The following FOXJ3 variants were observed in gnomAD, a reference collection of about 807,000 sequenced individuals.
FOXJ3 encodes the protein forkhead box J3.
In FOXJ3, 22 loss-of-function variants were observed where a neutral mutation model predicts 76.1. That is an observed-to-expected ratio of 0.29 (90% CI 0.21 to 0.41). FOXJ3 has a LOEUF of 0.41. Ranked by LOEUF, FOXJ3 falls within the 10% of genes least tolerant of loss-of-function variation. The pLI is 1.00. For synonymous variants in FOXJ3, 269 were observed against 261.2 expected, an observed-to-expected ratio of 1.03 and a Z score of -0.29; for missense variants, 613 against 762.1, an observed-to-expected ratio of 0.80 and a Z score of 2.30.
At position 42,178,488 on chromosome 1, in the gene FOXJ3, A is replaced by C. The variant is rs575774790; in HGVS notation, c.*1222T>G. ...GTGTCTTATCTGTAAATTCTTATCA[A>C]GAAAAGTAACGCTGGGCCAGGCGCA... is the stretch of plus-strand genomic sequence containing the variant. On this transcript the variant is annotated 3_prime_UTR_variant, in exon 13 of 13. Coordinates refer to ENST00000361346, the MANE Select transcript of FOXJ3 (RefSeq NM_014947.5). 1 of 152,392 alleles carries C rather than the reference A, an allele frequency of 6.6e-6. No homozygotes were observed. Among genetic ancestry groups the C allele is most frequent in the East Asian group, 1.9e-4 (1 of 5,190 alleles). The allele number at this position is 152,392 out of a possible 1,614,324, so 9.4% of individuals were successfully genotyped here. A position where few individuals can be genotyped will look rare whatever the true frequency, so the allele number is the denominator to read the frequency against.
intron 4 of FOXJ3, among the ~76,000 whole-genome samples, chr1:42,244,931 A>G (rs1649425040): frequency 6.6e-6 from 1 of 152,084 alleles, no homozygotes; most frequent in African/African-American, 2.4e-5. Flanking sequence ...CCTGTAATCC[A>G]AGCACCTTGG....
chr1:42,287,856 CAGA>C (rs1160550946), intron 2 of FOXJ3, among the ~76,000 whole-genome samples: 1 of 151,962 alleles, frequency 6.6e-6, no homozygotes, highest in Non-Finnish European at 1.5e-5. Context: ...CCCAGCTACC[CAGA>C]AGGCTAAGAG....
intron 4 of FOXJ3, among the ~76,000 whole-genome samples, chr1:42,247,314 T>TA (rs1233215039): frequency 3.9e-5 from 6 of 152,064 alleles, no homozygotes; most frequent in Non-Finnish European, 5.9e-5. Context: ...TAAAAAGTTT[T>TA]AAAAAAATTT....
At chr1:42,198,796 T>C (rs1646702842) in intron 7 of FOXJ3, among the ~76,000 whole-genome samples, 2 of 152,180 alleles carry the variant, frequency 1.3e-5, no homozygotes, top group Non-Finnish European at 2.9e-5. Flanking sequence ...TCACCAACTA[T>C]TGCTCTACTA....
At chr1:42,201,561 G>A (rs970855512) in intron 6 of FOXJ3, among the ~76,000 whole-genome samples, 4 of 152,118 alleles carry the variant, frequency 2.6e-5, no homozygotes, top group Admixed American at 6.5e-5. Context: ...CCTAGCTTGC[G>A]TTTCTAGAAT....
intron 1 of FOXJ3, among the ~76,000 whole-genome samples, chr1:42,325,982 T>A (rs1013843842): frequency 1.3e-5 from 2 of 152,240 alleles, no homozygotes; most frequent in African/African-American, 4.8e-5. Flanking sequence ...AAAATCAGGC[T>A]GGGCACTGTG....
chr1:42,227,412 T>TA (rs1343187986), intron 5 of FOXJ3, among the ~76,000 whole-genome samples: 2 of 152,242 alleles, frequency 1.3e-5, no homozygotes, highest in African/African-American at 4.8e-5. Context: ...AATTCACAAG[T>TA]AAGAATTATC....
chr1:42,319,789 C>T (rs1171925372), intron 1 of FOXJ3, among the ~76,000 whole-genome samples: 1 of 152,166 alleles, frequency 6.6e-6, no homozygotes, highest in East Asian at 1.9e-4. Flanking sequence ...CCCCCAAACC[C>T]CAAAGCTGGA....
In FOXJ3 at chr1:42,301,354, C is replaced by T. The variant is rs57704670; in HGVS notation, c.44+9696G>A. Reference sequence around the variant, plus strand: ...GCAATTACAGTCACACGCCACAATGCCCTGCTAATTTTTTTTTTGTATTTT... The same window carrying T: ...GCAATTACAGTCACACGCCACAATGTCCTGCTAATTTTTTTTTTGTATTTT... On this transcript the variant is annotated intron_variant, in intron 2 of 12. Coordinates refer to ENST00000361346, the MANE Select transcript of FOXJ3 (RefSeq NM_014947.5). Among the ~76,000 whole-genome samples, 640 of 152,150 alleles carry T rather than the reference C, an allele frequency of 4.2e-3. 3 individuals are homozygous for T. The highest frequency in any genetic ancestry group is 0.014 in the African/African-American group (592 of 41,518).
At chr1:42,252,304 T>C (rs922604261) in intron 4 of FOXJ3, among the ~76,000 whole-genome samples, 2 of 152,224 alleles carry the variant, frequency 1.3e-5, no homozygotes, top group Non-Finnish European at 2.9e-5. Context: ...TTTCAGATCC[T>C]GTTATTGGTC....
intron 4 of FOXJ3, among the ~76,000 whole-genome samples, chr1:42,244,208 C>T (rs1570022266): frequency 6.6e-6 from 1 of 152,010 alleles, no homozygotes; most frequent in South Asian, 2.1e-4. Flanking sequence ...ACAATAAATG[C>T]CTACATCAAA....
intron 5 of FOXJ3, among the ~76,000 whole-genome samples, chr1:42,217,165 CAAAGTTA>C (rs1647086842): frequency 1.3e-5 from 2 of 152,102 alleles, no homozygotes; most frequent in Non-Finnish European, 2.9e-5. Context: ...TAATAAAATA[CAAAGTTA>C]ATATACAAAA....
At chr1:42,252,389 A>G (rs1312083373) in intron 4 of FOXJ3, among the ~76,000 whole-genome samples, 2 of 152,156 alleles carry the variant, frequency 1.3e-5, no homozygotes, top group African/African-American at 2.4e-5. Context: ...CATTTCTTCT[A>G]GATTTTCTAG....
At chr1:42,330,618 AGAGT>A (rs1656101489) in intron 1 of FOXJ3, among the ~76,000 whole-genome samples, 1 of 152,222 alleles carries the variant, frequency 6.6e-6, no homozygotes, top group Non-Finnish European at 1.5e-5. Flanking sequence ...AGCCTGGGCA[AGAGT>A]GAGACCCTGT....
intron 2 of FOXJ3, among the ~76,000 whole-genome samples, chr1:42,294,568 G>A (rs1653656724): frequency 6.6e-6 from 1 of 152,058 alleles, no homozygotes; most frequent in Non-Finnish European, 1.5e-5. Flanking sequence ...AGACCAGCCT[G>A]GCCAACATGG....
At chr1:42,326,429 CTT>C (rs545636450) in intron 1 of FOXJ3, among the ~76,000 whole-genome samples, 1 of 151,990 alleles carries the variant, frequency 6.6e-6, no homozygotes, top group Admixed American at 6.6e-5. Context: ...CTCTCCCAGT[CTT>C]TTTTTTCTAT....
chr1:42,306,391 C>T (rs1654475129), intron 2 of FOXJ3, among the ~76,000 whole-genome samples: 1 of 150,910 alleles, frequency 6.6e-6, no homozygotes, highest in African/African-American at 2.4e-5. Context: ...CAACCTCCAC[C>T]TCCCAGGTTC....
At chr1:42,247,887 G>A (rs1327937442) in intron 4 of FOXJ3, among the ~76,000 whole-genome samples, 1 of 152,200 alleles carries the variant, frequency 6.6e-6, no homozygotes, top group East Asian at 1.9e-4. Flanking sequence ...ACTAACAATT[G>A]TGGTATAGCT....
intron 2 of FOXJ3, among the ~76,000 whole-genome samples, chr1:42,285,086 T>C (rs1287338020): frequency 6.6e-6 from 1 of 152,236 alleles, no homozygotes; most frequent in African/African-American, 2.4e-5. Context: ...TTATTTTCAA[T>C]CTTTTGTATT....
Sources: gnomAD v4.1 joint callset for allele counts (sites outside exome capture counted in the v4.1 genomes callset) on GRCh38, gnomAD v4.1.1 for gene constraint, MANE v1.5 for transcripts, NCBI Gene and HGNC (gene_info 2026-07-23, HGNC 2026-07-21) for gene names.